The following MPPED2 variants were observed in gnomAD, a reference collection of about 807,000 sequenced individuals.
MPPED2 encodes the protein metallophosphoesterase MPPED2.
A neutral mutation model predicts 33.0 loss-of-function variants in MPPED2; 5 were observed. The ratio of observed to expected loss-of-function variants is 0.15; its 90% CI spans 0.08 to 0.32. MPPED2 has a LOEUF of 0.32. Among genes scored for constraint, MPPED2 ranks in the 10% least tolerant of loss-of-function variants. The pLI is 1.00. For missense variants in MPPED2, 275 were observed against 372.1 expected, an observed-to-expected ratio of 0.74 and a Z score of 2.15; for synonymous variants, 136 against 141.9, an observed-to-expected ratio of 0.96 and a Z score of 0.29.
chr11:30,396,365 C>T (rs1947840226), intron 6 of MPPED2, among the ~76,000 whole-genome samples: 1 of 152,130 alleles, frequency 6.6e-6, no homozygotes, highest in Admixed American at 6.6e-5. Context: ...TATATACCTG[C>T]AGTTTTTCTT....
intron 4 of MPPED2, among the ~76,000 whole-genome samples, chr11:30,477,000 TA>T (rs1590444206): frequency 6.6e-6 from 1 of 152,286 alleles, no homozygotes; most frequent in Admixed American, 6.5e-5. Flanking sequence ...ATTAACATTT[TA>T]AAAAATTCAT....
intron 4 of MPPED2, among the ~76,000 whole-genome samples, chr11:30,427,356 A>C (rs1262628415): frequency 6.6e-6 from 1 of 152,220 alleles, no homozygotes; most frequent in African/African-American, 2.4e-5. Context: ...TATGTTGCTA[A>C]TACTGGTTTC....
At chr11:30,426,944 C>T (rs192800217) in intron 4 of MPPED2, among the ~76,000 whole-genome samples, 7 of 152,260 alleles carry the variant, frequency 4.6e-5, no homozygotes, top group Admixed American at 4.6e-4. Context: ...AACCCACATC[C>T]TACCAGAGAC....
intron 4 of MPPED2, among the ~76,000 whole-genome samples, chr11:30,439,067 GGAA>G: frequency 6.6e-6 from 1 of 152,282 alleles, no homozygotes; most frequent in Middle Eastern, 3.4e-3. Flanking sequence ...GGAATTTGGT[GGAA>G]GAAGACAGGT....
chr11:30,433,604 C>G (rs1169168693), intron 4 of MPPED2, among the ~76,000 whole-genome samples: 1 of 152,162 alleles, frequency 6.6e-6, no homozygotes, highest in Non-Finnish European at 1.5e-5. Context: ...GAAACATTAT[C>G]CAAAGGGCAG....
exon 7 of MPPED2, chr11:30,387,184 T>C (rs1266282380): frequency 6.3e-6 from 1 of 159,192 alleles, no homozygotes; most frequent in African/African-American, 2.4e-5. Flanking sequence ...AAAACAAACG[T>C]CTACAGGGAC....
In MPPED2 at chr11:30,410,538, A is replaced by T; in HGVS notation, c.*930T>A. On this transcript the variant is annotated 3_prime_UTR_variant, in exon 7 of 7. Coordinates refer to ENST00000358117, the MANE Select transcript of MPPED2 (RefSeq NM_001584.3). ...TTCCATTGCATCCATTTAAGTCTAT[A>T]CATGCCTGTAACTGTACCTAGATTT... is the stretch of plus-strand genomic sequence containing the variant. 1 of 985,720 alleles carries T rather than the reference A, an allele frequency of 1.0e-6. No individual in the cohort carries two copies. The highest frequency in any genetic ancestry group is 4.7e-5 in the South Asian group (1 of 21,288). 61.1% of individuals were successfully genotyped at this position (985,720 alleles called of 1,614,324 possible). A position where few individuals can be genotyped will look rare whatever the true frequency, so the allele number is the denominator to read the frequency against.
chr11:30,404,478 G>A (rs753570563), intron 6 of MPPED2, among the ~76,000 whole-genome samples: 6 of 152,186 alleles, frequency 3.9e-5, no homozygotes, highest in Admixed American at 2.0e-4. Flanking sequence ...TGGCCATGTG[G>A]GTTTTTCTCC....
At chr11:30,483,680 G>T (rs1313153229) in intron 4 of MPPED2, among the ~76,000 whole-genome samples, 2 of 152,172 alleles carry the variant, frequency 1.3e-5, no homozygotes, top group Non-Finnish European at 2.9e-5. Context: ...TGATTTAAGA[G>T]TTGAACTTTT....
In MPPED2 at chr11:30,433,399, C is replaced by T. The variant is rs539879242; in HGVS notation, c.537-15766G>A. Reference sequence around the variant, plus strand: ...CATAAGAGCTAACATTTACATAAAGCTTGCCATGTAGCATGTACTATATGA... The same window carrying T: ...CATAAGAGCTAACATTTACATAAAGTTTGCCATGTAGCATGTACTATATGA... On this transcript the variant is annotated intron_variant, in intron 4 of 6. Transcript: ENST00000358117. 1.2e-4 allele frequency among the ~76,000 whole-genome samples: 19 copies of T among 152,270 alleles called. No homozygotes were observed. The Middle Eastern group carries it at 0.01, about 82-fold the overall frequency.
chr11:30,539,578 A>G (rs1045895401), intron 2 of MPPED2, among the ~76,000 whole-genome samples: 1 of 152,010 alleles, frequency 6.6e-6, no homozygotes. Flanking sequence ...CCTCTAGACG[A>G]CATAATGTTT....
At chr11:30,475,847 G>T (rs1951169550) in intron 4 of MPPED2, among the ~76,000 whole-genome samples, 1 of 152,160 alleles carries the variant, frequency 6.6e-6, no homozygotes, top group South Asian at 2.1e-4. Context: ...TCCAAAGAGG[G>T]TGTTCCATTT....
chr11:30,477,459 C>G (rs1348055654), intron 4 of MPPED2, among the ~76,000 whole-genome samples: 1 of 151,996 alleles, frequency 6.6e-6, no homozygotes, highest in Non-Finnish European at 1.5e-5. Flanking sequence ...TTTTCTGTAT[C>G]TATTAAAATG....
At chr11:30,574,812 T>C (rs1205590700) in intron 2 of MPPED2, among the ~76,000 whole-genome samples, 1 of 152,130 alleles carries the variant, frequency 6.6e-6, no homozygotes, top group Non-Finnish European at 1.5e-5. Context: ...TACATACTTG[T>C]TGTAAGAATA....
intron 2 of MPPED2, among the ~76,000 whole-genome samples, chr11:30,573,355 A>C (rs765560544): frequency 2.7e-4 from 41 of 152,218 alleles, no homozygotes; most frequent in Admixed American, 6.5e-4. Flanking sequence ...TGACAATGAA[A>C]TAAATGACTC....
rs1948065279 is a variant in MPPED2 at position 30,410,505 on chromosome 11, T to C, written c.*963A>G. The C allele has an allele frequency of 2.0e-6, 2 of 985,772 alleles. No individual in the cohort carries two copies. Among genetic ancestry groups the C allele is most frequent in the Non-Finnish European group, 2.4e-6 (2 of 829,940 alleles). The allele number at this position is 985,772 out of a possible 1,614,324, so 61.1% of individuals were successfully genotyped here. A position where few individuals can be genotyped will look rare whatever the true frequency, so the allele number is the denominator to read the frequency against. ...TAGAAAGGACAACTAAGCCTTATTT[T>C]AGTTAGCTTCCATTGCATCCATTTA... On this transcript the variant is annotated 3_prime_UTR_variant, in exon 7 of 7. Transcript: ENST00000358117.
chr11:30,561,500 A>G (rs2134721669), intron 2 of MPPED2, among the ~76,000 whole-genome samples: 1 of 152,308 alleles, frequency 6.6e-6, no homozygotes, highest in Non-Finnish European at 1.5e-5. Context: ...TCAGTTTTTA[A>G]AGGTCTAACA....
At chr11:30,533,134 G>A (rs1334872964) in intron 3 of MPPED2, among the ~76,000 whole-genome samples, 4 of 152,118 alleles carry the variant, frequency 2.6e-5, no homozygotes, top group East Asian at 1.9e-4. Context: ...AAAGGAAAAG[G>A]GCTCACACTT....
intron 5 of MPPED2, among the ~76,000 whole-genome samples, chr11:30,415,487 T>C (rs1193088320): frequency 6.6e-6 from 1 of 152,206 alleles, no homozygotes; most frequent in South Asian, 2.1e-4. Flanking sequence ...CTCACGGCAC[T>C]GTGGCATCCC....
Sources: gnomAD v4.1 joint callset for allele counts (sites outside exome capture counted in the v4.1 genomes callset) on GRCh38, gnomAD v4.1.1 for gene constraint, MANE v1.5 for transcripts, NCBI Gene and HGNC (gene_info 2026-07-23, HGNC 2026-07-21) for gene names.